Variants in COL10A1 observed in about 807,000 individuals in gnomAD.
COL10A1 encodes collagen alpha-1(X) chain.
In COL10A1, 10 loss-of-function variants were observed where a neutral mutation model predicts 18.2. The ratio of observed to expected loss-of-function variants is 0.55; its 90% CI spans 0.34 to 0.93. The LOEUF is 0.93. COL10A1 is among the 40% of genes least tolerant of loss of function. The pLI is 0.02. For missense variants in COL10A1, 897 were observed against 853.5 expected (o/e 1.05, Z -0.64); for synonymous variants, 330 against 316.6 (o/e 1.04, Z -0.45).
rs1429498253 is a variant in COL10A1 at position 116,119,991 on chromosome 6, A to C, written c.*82T>G. The C allele has an allele frequency of 9.3e-6, 11 of 1,177,564 alleles. No individual in the cohort carries two copies. Among genetic ancestry groups the C allele is most frequent in the Non-Finnish European group, 1.0e-5 (8 of 786,646 alleles). The allele number at this position is 1,177,564 out of a possible 1,614,324, so 72.9% of individuals were successfully genotyped here. ...ATAAAAATTACATTCTTTTCAGCCT[A>C]CCTCCATATGCATTTTGTAGGGTGG... On this transcript the variant is annotated 3_prime_UTR_variant, in exon 3 of 3. Transcript: ENST00000651968.
chr6:116,170,168 C>T, the COL10A1 span, among the ~76,000 whole-genome samples: 2 of 151,970 alleles, frequency 1.3e-5, no homozygotes, highest in Admixed American at 6.6e-5. Context: ...AACATTCTGT[C>T]GGTTTTGCTG....
the COL10A1 span, among the ~76,000 whole-genome samples, chr6:116,215,891 T>G: frequency 6.6e-6 from 1 of 152,166 alleles, no homozygotes; most frequent in Non-Finnish European, 1.5e-5. Flanking sequence ...ATAGACTGTA[T>G]TCAGCACAGA....
At chr6:116,161,232 C>T (rs1220320187), upstream of COL10A1, among the ~76,000 whole-genome samples, 1 of 149,948 alleles carries the variant, frequency 6.7e-6, no homozygotes, top group Non-Finnish European at 1.5e-5. Context: ...GGGAGATATA[C>T]CTAATGCTAG....
rs374250798 is a variant in COL10A1, at chr6:116,121,192, T to G, written c.924A>C (p.Gly308=). The stretch of plus-strand genomic sequence containing the variant: ...CAGGAAGGCCAGCAGGTCCTCTTTC[T>G]CCCTTCAGGCCTGGCAAGCCTGGTT... The part of the protein sequence containing the change: ...FGKPGLPGLK[G]ERGPAGLPGG... The change falls in exon 3 of 3, where the codon GGA becomes GGC. Residue 308 remains glycine (G), a synonymous_variant. Transcript: ENST00000651968. The G allele has an allele frequency of 1.4e-4, 222 of 1,613,254 alleles. 2 individuals are homozygous for G. The East Asian group carries it at 4.6e-3, about 33-fold the overall frequency.
At chr6:116,159,869 G>T (rs1305890314), upstream of COL10A1, among the ~76,000 whole-genome samples, 9 of 151,980 alleles carry the variant, frequency 5.9e-5, no homozygotes, top group Non-Finnish European at 1.3e-4. Context: ...TGCGATATTT[G>T]TTTTTTTGTT....
the COL10A1 span, among the ~76,000 whole-genome samples, chr6:116,195,429 A>G: frequency 5.9e-5 from 9 of 151,974 alleles, no homozygotes; most frequent in Non-Finnish European, 8.8e-5. Flanking sequence ...TCAAGAGGTC[A>G]TAGTAGTTTA....
chr6:116,167,340 G>A, the COL10A1 span, among the ~76,000 whole-genome samples: 29 of 149,316 alleles, frequency 1.9e-4, no homozygotes, highest in African/African-American at 7.1e-4. Flanking sequence ...AGCCTCCCAA[G>A]TAATTGGGAC....
chr6:116,206,332 A>G, the COL10A1 span, among the ~76,000 whole-genome samples: 1 of 151,998 alleles, frequency 6.6e-6, no homozygotes, highest in Non-Finnish European at 1.5e-5. Context: ...ATATCATTGC[A>G]TATAATTCAC....
chr6:116,125,531 T>G, intron 1 of COL10A1, 24 bp from the exon 2 acceptor site: 1 of 1,601,620 alleles, frequency 6.2e-7, no homozygotes, highest in Non-Finnish European at 8.6e-7. Flanking sequence ...AAGAATAACT[T>G]TATACAGCAT....
the COL10A1 span, among the ~76,000 whole-genome samples, chr6:116,203,133 C>A: frequency 6.6e-6 from 1 of 151,780 alleles, no homozygotes; most frequent in Admixed American, 6.6e-5. Context: ...TTGAACAAAC[C>A]AAATTACCAA....
chr6:116,156,161 C>G (rs533619551), intron 1 of COL10A1, among the ~76,000 whole-genome samples: 2 of 152,214 alleles, frequency 1.3e-5, no homozygotes, highest in African/African-American at 4.8e-5. Flanking sequence ...TCCCCATCAT[C>G]TTTTATTTTG....
At chr6:116,146,437 C>A (rs1045912726) in intron 1 of COL10A1, among the ~76,000 whole-genome samples, 4 of 152,118 alleles carry the variant, frequency 2.6e-5, no homozygotes, top group African/African-American at 7.2e-5. Context: ...AAGTAAATAA[C>A]TGGAGTTGCT....
intron 1 of COL10A1, chr6:116,137,212 G>T: frequency 6.1e-6 from 1 of 164,914 alleles, no homozygotes; most frequent in South Asian, 1.7e-4. Flanking sequence ...TCCTGGCCAG[G>T]AGAAGTATTT....
At chr6:116,197,044 T>C in the COL10A1 span, among the ~76,000 whole-genome samples, 1 of 151,686 alleles carries the variant, frequency 6.6e-6, no homozygotes, top group Non-Finnish European at 1.5e-5. Context: ...GCTGTGTGTG[T>C]CCATCAGAGC....
chr6:116,164,413 C>T, the COL10A1 span, among the ~76,000 whole-genome samples: 1 of 152,150 alleles, frequency 6.6e-6, no homozygotes, highest in Middle Eastern at 3.4e-3. Context: ...AACCCCTGGT[C>T]TTTTTTGTTC....
rs185242112 is a variant in COL10A1 at position 116,148,565 on chromosome 6, A to C, written c.-16+10049T>G. On this transcript the variant is annotated intron_variant, in intron 1 of 1. Transcript: ENST00000418500. Reference sequence around the variant, plus strand: ...TTGTACTCAGAATGTGAACATGTTAATTAATAGAAGTATTACTATGATAAC... The same window carrying C: ...TTGTACTCAGAATGTGAACATGTTACTTAATAGAAGTATTACTATGATAAC... Among the ~76,000 whole-genome samples the C allele has an allele frequency of 2.6e-5, 4 of 152,322 alleles. No individual in the cohort carries two copies. In the East Asian group the frequency reaches 7.7e-4, roughly 29 times the overall value.
the COL10A1 span, among the ~76,000 whole-genome samples, chr6:116,182,070 C>A: frequency 6.6e-6 from 1 of 151,972 alleles, no homozygotes; most frequent in African/African-American, 2.4e-5. Context: ...TATTCTTATG[C>A]CTTTGTGTCT....
intron 1 of COL10A1, chr6:116,125,730 A>C (rs1257333831): frequency 8.1e-6 from 3 of 368,438 alleles, no homozygotes; most frequent in Non-Finnish European, 1.5e-5. Context: ...TGAAAATAAA[A>C]TGATTTACCT....
chr6:116,129,011 G>A (rs1779395982), upstream of COL10A1, among the ~76,000 whole-genome samples: 1 of 152,118 alleles, frequency 6.6e-6, no homozygotes, highest in Admixed American at 6.6e-5. Flanking sequence ...TCAACTCGCT[G>A]TCACTCAATT....
Sources: allele counts gnomAD v4.1 joint callset (sites outside exome capture counted in the v4.1 genomes callset), GRCh38; gene constraint gnomAD v4.1.1; transcripts MANE v1.5; gene names NCBI Gene and HGNC (gene_info 2026-07-23, HGNC 2026-07-21).